BCL2L1: variants seen among roughly 807,000 people sequenced by gnomAD.
BCL2L1 encodes the protein bcl-2-like protein 1.
Under a neutral mutation model 18.7 loss-of-function variants are expected in BCL2L1, and 1 was observed. That is an observed-to-expected ratio of 0.05 (90% confidence interval 0.02 to 0.25). BCL2L1 has a LOEUF of 0.25. Ranked by LOEUF, BCL2L1 falls within the 10% of genes least tolerant of loss-of-function variation. The pLI is 1.00. For missense variants in BCL2L1, 207 were observed against 304.9 expected, an observed-to-expected ratio of 0.68 and a Z score of 2.39; for synonymous variants, 103 against 122.7, an observed-to-expected ratio of 0.84 and a Z score of 1.06.
rs1600808050 is a variant in BCL2L1 at position 31,685,378 on chromosome 20, T to A, written c.565-19292A>T. On this transcript the variant is annotated intron_variant, in intron 2 of 2. Coordinates refer to ENST00000307677, the MANE Select transcript of BCL2L1 (RefSeq NM_138578.3). ...TCGTGCCACTGCACTCCAGCCTGAG[T>A]GACAGAGCAAGACTCCATCTCAAAA... 2.8e-5 allele frequency among the ~76,000 whole-genome samples: 4 copies of A among 143,814 alleles called. No individual in the cohort carries two copies. The Admixed American group carries it at 2.8e-4, about 10-fold the overall frequency. The allele number at this position is 143,814 out of a possible 152,430, so 94.3% of individuals were successfully genotyped here. A position where few individuals can be genotyped will look rare whatever the true frequency, so the allele number is the denominator to read the frequency against.
intron 2 of BCL2L1, among the ~76,000 whole-genome samples, chr20:31,701,764 G>A (rs1424100285): frequency 6.6e-6 from 1 of 152,210 alleles, no homozygotes; most frequent in African/African-American, 2.4e-5. Flanking sequence ...TCAAAAGTAG[G>A]ATGAAAGAAC....
upstream of BCL2L1, chr20:31,723,737 G>C: frequency 1.0e-6 from 1 of 985,450 alleles, no homozygotes; most frequent in Non-Finnish European, 1.2e-6. Context: ...GCTCTCACCT[G>C]CGAGCCCCGC....
At chr20:31,713,060 G>T (rs899334433) in intron 2 of BCL2L1, among the ~76,000 whole-genome samples, 1 of 152,130 alleles carries the variant, frequency 6.6e-6, no homozygotes, top group African/African-American at 2.4e-5. Context: ...CTATGCAGGG[G>T]TGGGGTGGAA....
At chr20:31,713,284 G>C (rs1305480900) in intron 2 of BCL2L1, 2 of 985,240 alleles carry the variant, frequency 2.0e-6, no homozygotes, top group Admixed American at 6.2e-5. Context: ...TCTAAATCTT[G>C]AAGGGATGAT....
intron 2 of BCL2L1, among the ~76,000 whole-genome samples, chr20:31,687,696 A>AG (rs1491495765): frequency 7.0e-6 from 1 of 143,656 alleles, no homozygotes; most frequent in Non-Finnish European, 1.5e-5. Context: ...AAAAAAAAAA[A>AG]GAAAATTCTC....
chr20:31,687,634 C>T (rs2060982432), intron 2 of BCL2L1, among the ~76,000 whole-genome samples: 1 of 149,190 alleles, frequency 6.7e-6, no homozygotes, highest in African/African-American at 2.5e-5. Context: ...CCAAGATTGC[C>T]ACTCCACTCC....
chr20:31,714,422 G>A (rs2061496153), intron 2 of BCL2L1, among the ~76,000 whole-genome samples: 1 of 152,188 alleles, frequency 6.6e-6, no homozygotes, highest in Non-Finnish European at 1.5e-5. Context: ...ATGTGCTGAT[G>A]GGTCACTATG....
chr20:31,702,559 G>A (rs552309631), intron 2 of BCL2L1, among the ~76,000 whole-genome samples: 1 of 151,950 alleles, frequency 6.6e-6, no homozygotes, highest in South Asian at 2.1e-4. Flanking sequence ...TGTTGCCCAG[G>A]GTGGAGTGCA....
intron 2 of BCL2L1, chr20:31,716,847 T>C (rs1350936503): frequency 6.6e-6 from 1 of 152,228 alleles, no homozygotes; most frequent in Non-Finnish European, 1.5e-5. Context: ...CCTTCAGATA[T>C]CTGAAGCTGG....
At chr20:31,711,930 C>A (rs1259866331) in intron 2 of BCL2L1, among the ~76,000 whole-genome samples, 1 of 152,160 alleles carries the variant, frequency 6.6e-6, no homozygotes, top group Non-Finnish European at 1.5e-5. Flanking sequence ...TTGGTACTAG[C>A]CTGTGAAGCT....
At chr20:31,698,195 C>A (rs1342758213) in intron 2 of BCL2L1, among the ~76,000 whole-genome samples, 1 of 152,030 alleles carries the variant, frequency 6.6e-6, no homozygotes, top group Admixed American at 6.6e-5. Flanking sequence ...GCCTGGTGAT[C>A]CTTTAAAAAT....
At chr20:31,708,653 C>G (rs1019830041) in intron 2 of BCL2L1, among the ~76,000 whole-genome samples, 3 of 152,166 alleles carry the variant, frequency 2.0e-5, no homozygotes, top group African/African-American at 7.2e-5. Context: ...GCTCCCAATG[C>G]CCCGCCCTGC....
chr20:31,668,678 C>T (rs1014490171), intron 2 of BCL2L1, among the ~76,000 whole-genome samples: 1 of 150,036 alleles, frequency 6.7e-6, no homozygotes, highest in African/African-American at 2.5e-5. Context: ...GATCTCAGCT[C>T]ACTGCAACCT....
chr20:31,688,674 C>G (rs566727612), intron 2 of BCL2L1, among the ~76,000 whole-genome samples: 2 of 152,176 alleles, frequency 1.3e-5, no homozygotes, highest in South Asian at 4.2e-4. Context: ...TTCATCCCCC[C>G]CAGATATACT....
intron 2 of BCL2L1, among the ~76,000 whole-genome samples, chr20:31,680,919 T>G (rs979033322): frequency 1.3e-5 from 2 of 152,092 alleles, no homozygotes; most frequent in Non-Finnish European, 2.9e-5. Context: ...CTTAAGGAGG[T>G]GAATTTGATC....
intron 2 of BCL2L1, among the ~76,000 whole-genome samples, chr20:31,692,058 C>A (rs1455515314): frequency 6.6e-6 from 1 of 152,238 alleles, no homozygotes; most frequent in Non-Finnish European, 1.5e-5. Context: ...GGTCCCAGGA[C>A]CAAGAGTGGC....
intron 2 of BCL2L1, among the ~76,000 whole-genome samples, chr20:31,674,559 T>G (rs996400470): frequency 1.8e-4 from 27 of 152,142 alleles, no homozygotes; most frequent in Non-Finnish European, 3.4e-4. Flanking sequence ...TCAGAGATAC[T>G]GAGACCTAGC....
At chr20:31,688,792 A>G (rs917783698) in intron 2 of BCL2L1, among the ~76,000 whole-genome samples, 1 of 152,250 alleles carries the variant, frequency 6.6e-6, no homozygotes, top group Admixed American at 6.5e-5. Flanking sequence ...GGAACTGGTT[A>G]AAGTATAGAA....
rs538162772 is a variant in BCL2L1 at position 31,671,705 on chromosome 20, C to T, written c.565-5619G>A. Among the ~76,000 whole-genome samples, 52 of 151,962 alleles carry T rather than the reference C, an allele frequency of 3.4e-4. 1 individual carries two copies. Among genetic ancestry groups the T allele is most frequent in the African/African-American group, 1.2e-3 (48 of 41,462 alleles). On this transcript the variant is annotated intron_variant, in intron 2 of 2. Transcript: ENST00000307677. ...ATGGTGGTAAGATCACCTCCAATGG[C>T]GTGAAGTGAAGCATTCTTAGACATT...
Sources: gnomAD v4.1 joint callset for allele counts (sites outside exome capture counted in the v4.1 genomes callset) on GRCh38, gnomAD v4.1.1 for gene constraint, MANE v1.5 for transcripts, NCBI Gene and HGNC (gene_info 2026-07-23, HGNC 2026-07-21) for gene names.